Variants in DOCK2 observed in about 807,000 individuals in gnomAD.
The protein encoded by DOCK2 is dedicator of cytokinesis protein 2.
A neutral mutation model predicts 248.9 loss-of-function variants in DOCK2; 87 were observed. That is an observed-to-expected ratio of 0.35 (90% CI 0.29 to 0.42). The LOEUF (loss-of-function observed/expected upper bound fraction) is 0.42. Ranked by LOEUF, DOCK2 falls within the 10% of genes least tolerant of loss-of-function variation. DOCK2 has a pLI of 1.00. For missense variants in DOCK2, 1,747 were observed against 2,300.2 expected, an observed-to-expected ratio of 0.76 and a Z score of 4.92; for synonymous variants, 805 against 821.6, an observed-to-expected ratio of 0.98 and a Z score of 0.35.
At chr5:169,721,943 C>T (rs1320821262) in intron 22 of DOCK2, among the ~76,000 whole-genome samples, 1 of 152,228 alleles carries the variant, frequency 6.6e-6, no homozygotes, top group Non-Finnish European at 1.5e-5. Context: ...TGATTAGGCA[C>T]ATGCCAGTGC....
chr5:169,736,501 T>C (rs2113645554), intron 22 of DOCK2, among the ~76,000 whole-genome samples: 1 of 152,354 alleles, frequency 6.6e-6, no homozygotes, highest in African/African-American at 2.4e-5. Context: ...GTGTGTTAAA[T>C]GCCCTGCACT....
At chr5:169,637,664 AC>A (rs1756902772) in intron 1 of DOCK2, among the ~76,000 whole-genome samples, 1 of 151,972 alleles carries the variant, frequency 6.6e-6, no homozygotes, top group African/African-American at 2.4e-5. Flanking sequence ...TTCGCGCCAA[AC>A]TCGGCGTCCC....
At chr5:169,926,441 A>G (rs1775460983) in intron 27 of DOCK2, among the ~76,000 whole-genome samples, 2 of 152,132 alleles carry the variant, frequency 1.3e-5, no homozygotes, top group South Asian at 4.1e-4. Context: ...TGATCACATG[A>G]GCCTCGGATT....
chr5:170,077,346 A>G (rs1191938559), intron 47 of DOCK2, among the ~76,000 whole-genome samples: 1 of 152,160 alleles, frequency 6.6e-6, no homozygotes, highest in Non-Finnish European at 1.5e-5. Flanking sequence ...CTGATACCAC[A>G]TGGCTTAAAG....
At chr5:169,840,626 G>GATGA in intron 26 of DOCK2, 131 bp from the exon 27 acceptor site, 2 of 611,834 alleles carry the variant, frequency 3.3e-6, no homozygotes, top group South Asian at 3.6e-5. Context: ...GATGATGATG[G>GATGA]CAGTAGTGGT....
intron 25 of DOCK2, among the ~76,000 whole-genome samples, chr5:169,802,815 A>G (rs1767080115): frequency 6.6e-6 from 1 of 152,234 alleles, no homozygotes; most frequent in Admixed American, 6.5e-5. Flanking sequence ...TAAAATATAT[A>G]GAACATACTA....
chr5:169,865,251 G>C (rs750284960), intron 27 of DOCK2, among the ~76,000 whole-genome samples: 5 of 152,164 alleles, frequency 3.3e-5, no homozygotes, highest in African/African-American at 9.7e-5. Flanking sequence ...GCATTGTCCC[G>C]TGCTGATTAT....
At chr5:170,028,904 T>C (rs1007727341) in intron 34 of DOCK2, among the ~76,000 whole-genome samples, 2 of 152,202 alleles carry the variant, frequency 1.3e-5, no homozygotes, top group Non-Finnish European at 2.9e-5. Flanking sequence ...TGCCTTTTAA[T>C]TGCCAAATAA....
intron 30 of DOCK2, among the ~76,000 whole-genome samples, chr5:170,006,545 G>A (rs999353984): frequency 1.1e-4 from 16 of 152,108 alleles, no homozygotes; most frequent in Admixed American, 2.6e-4. Context: ...ATGATCTGAT[G>A]TGTTTTAAAA....
At chr5:169,669,254 A>G (rs779590079) in intron 2 of DOCK2, 34 bp from the exon 3 acceptor site, 4 of 1,612,218 alleles carry the variant, frequency 2.5e-6, no homozygotes, top group South Asian at 1.1e-5. Flanking sequence ...CTTGTAATAA[A>G]TGAGGGAACT....
chr5:169,898,343 C>A (rs541495113), intron 27 of DOCK2, among the ~76,000 whole-genome samples: 11 of 152,332 alleles, frequency 7.2e-5, no homozygotes, highest in African/African-American at 2.2e-4. Context: ...GGGCCCACAG[C>A]AGCCAGGTGT....
At chr5:169,717,589 G>T (rs979130185) in intron 21 of DOCK2, 105 bp downstream of exon 21, 9 of 1,000,530 alleles carry the variant, frequency 9.0e-6, no homozygotes, top group Non-Finnish European at 1.3e-5. Flanking sequence ...ACTCATCTGT[G>T]TGAGCTCTCC....
intron 26 of DOCK2, among the ~76,000 whole-genome samples, chr5:169,826,586 C>T (rs1238310181): frequency 6.6e-6 from 1 of 151,970 alleles, no homozygotes; most frequent in Non-Finnish European, 1.5e-5. Context: ...ATCAGAATTC[C>T]AGGGAGAAGG....
At chr5:169,768,503 C>T (rs1764914206) in intron 25 of DOCK2, among the ~76,000 whole-genome samples, 1 of 152,168 alleles carries the variant, frequency 6.6e-6, no homozygotes, top group African/African-American at 2.4e-5. Flanking sequence ...TTTCCATTCC[C>T]TGCTCCCAAC....
chr5:169,896,017 C>T (rs1773580681), intron 27 of DOCK2, among the ~76,000 whole-genome samples: 1 of 152,206 alleles, frequency 6.6e-6, no homozygotes, highest in South Asian at 2.1e-4. Context: ...TGGCCTTGGC[C>T]ACCCTCCATG....
intron 27 of DOCK2, among the ~76,000 whole-genome samples, chr5:169,978,496 G>C (rs1018223635): frequency 6.6e-5 from 10 of 151,568 alleles, no homozygotes; most frequent in East Asian, 2.0e-4. Flanking sequence ...ATATCATGAT[G>C]ATGATGATGA....
intron 40 of DOCK2, among the ~76,000 whole-genome samples, chr5:170,049,508 G>T (rs1756839979): frequency 6.6e-6 from 1 of 152,210 alleles, no homozygotes; most frequent in Admixed American, 6.5e-5. Flanking sequence ...ATGTGTGTTT[G>T]GACAGAGGAA....
At chr5:169,961,978 C>CTAA (rs1777104664) in intron 27 of DOCK2, among the ~76,000 whole-genome samples, 1 of 74,654 alleles carries the variant, frequency 1.3e-5, no homozygotes, top group African/African-American at 6.8e-5. Flanking sequence ...GACTCTGTCC[C>CTAA]AAAAAAAAAA....
In DOCK2 at chr5:169,986,088, C is replaced by CTT. The variant is rs139707882; in HGVS notation, c.2993+166_2993+167insTT. ...ACCCAGGGAAGGACTCCTCACCAAT[C>CTT]GAAGCTACTCAAAAAATCGTCTCCA... On this transcript the variant is annotated intron_variant, in intron 29 of 51. Transcript: ENST00000520908. Among the ~76,000 whole-genome samples, 1,033 of 152,274 alleles carry CTT rather than the reference C, an allele frequency of 6.8e-3. 10 individuals carry two copies. Among genetic ancestry groups the CTT allele is most frequent in the Middle Eastern group, 0.041 (12 of 294 alleles).
Sources: allele counts gnomAD v4.1 joint callset (sites outside exome capture counted in the v4.1 genomes callset), GRCh38; gene constraint gnomAD v4.1.1; transcripts MANE v1.5; gene names NCBI Gene and HGNC (gene_info 2026-07-23, HGNC 2026-07-21).